HPSE2: variants seen among roughly 807,000 people sequenced by gnomAD.
The protein encoded by HPSE2 is inactive heparanase-2.
Under a neutral mutation model 60.5 loss-of-function variants are expected in HPSE2, and 38 were observed. The observed-to-expected ratio is 0.63, with a 90% CI of 0.48 to 0.82. The LOEUF (loss-of-function observed/expected upper bound fraction) is 0.82, where lower values mean the gene tolerates loss of function less well. HPSE2 is among the 40% of genes least tolerant of loss of function. The pLI, the probability that HPSE2 is intolerant of heterozygous loss-of-function variation, is 0.00. For missense variants in HPSE2, 713 were observed against 740.4 expected (o/e 0.96, Z 0.43); for synonymous variants, 295 against 293.2 (o/e 1.01, Z -0.06).
chr10:98,695,663 C>A (rs11189751), intron 5 of HPSE2, among the ~76,000 whole-genome samples: 8 of 152,164 alleles, frequency 5.3e-5, no homozygotes, highest in East Asian at 3.9e-4. Flanking sequence ...TGCCACCCCC[C>A]CTAGCAGCAG....
intron 2 of HPSE2, among the ~76,000 whole-genome samples, chr10:99,166,679 C>A (rs2133788332): frequency 6.6e-6 from 1 of 151,954 alleles, no homozygotes; most frequent in East Asian, 1.9e-4. Context: ...CTGTTCATAT[C>A]TCTTGCCCAC....
chr10:98,497,699 T>C (rs1416802304), intron 9 of HPSE2, among the ~76,000 whole-genome samples: 1 of 152,220 alleles, frequency 6.6e-6, no homozygotes, highest in Admixed American at 6.5e-5. Context: ...ATCAAGTCAA[T>C]GTAACTGAGA....
chr10:98,698,658 A>G (rs1342874858), intron 5 of HPSE2, among the ~76,000 whole-genome samples: 1 of 152,134 alleles, frequency 6.6e-6, no homozygotes, highest in African/African-American at 2.4e-5. Context: ...AACTGAAGGA[A>G]ATAGAGACAC....
chr10:99,103,788 A>G (rs1235878222), intron 3 of HPSE2, among the ~76,000 whole-genome samples: 1 of 152,204 alleles, frequency 6.6e-6, no homozygotes, highest in Non-Finnish European at 1.5e-5. Flanking sequence ...AAACAGAGAT[A>G]TAGACCAATG....
chr10:98,693,687 T>C (rs1333658590), intron 6 of HPSE2, among the ~76,000 whole-genome samples: 1 of 152,240 alleles, frequency 6.6e-6, no homozygotes, highest in Non-Finnish European at 1.5e-5. Context: ...ATGCGTTAGT[T>C]GTTTTCTTAA....
chr10:99,222,310 C>A (rs1263798264), intron 2 of HPSE2, among the ~76,000 whole-genome samples: 4 of 152,106 alleles, frequency 2.6e-5, no homozygotes, highest in Non-Finnish European at 5.9e-5. Flanking sequence ...GACTGTATAA[C>A]CTCTTTGTTC....
chr10:98,489,011 T>G (rs924371290), intron 10 of HPSE2, among the ~76,000 whole-genome samples: 1 of 152,182 alleles, frequency 6.6e-6, no homozygotes. Context: ...GAGCATCTGT[T>G]GTAACCTGAC....
At chr10:98,993,446 C>G (rs1956573217) in intron 3 of HPSE2, among the ~76,000 whole-genome samples, 1 of 152,198 alleles carries the variant, frequency 6.6e-6, no homozygotes, top group African/African-American at 2.4e-5. Context: ...CCTAGTTTCC[C>G]TTGACTGCCA....
At chr10:99,139,054 T>C (rs10748762) in intron 3 of HPSE2, among the ~76,000 whole-genome samples, 74,930 of 151,924 alleles carry the variant, frequency 0.49, 20,953 homozygotes, top group East Asian at 0.65. Flanking sequence ...CATCAATCAA[T>C]AAGTGGATAA....
At chr10:98,921,193 G>C (rs1053579431) in intron 3 of HPSE2, among the ~76,000 whole-genome samples, 3 of 152,072 alleles carry the variant, frequency 2.0e-5, no homozygotes, top group Admixed American at 6.6e-5. Context: ...GGACTAAATG[G>C]GCCAAGGCAG....
intron 6 of HPSE2, among the ~76,000 whole-genome samples, chr10:98,668,679 G>A (rs572067197): frequency 2.6e-5 from 4 of 152,166 alleles, no homozygotes; most frequent in South Asian, 2.1e-4. Flanking sequence ...TTCAATCAAC[G>A]GTGCTGGAAT....
chr10:99,001,865 T>C (rs748436712), intron 3 of HPSE2, among the ~76,000 whole-genome samples: 18 of 152,062 alleles, frequency 1.2e-4, no homozygotes, highest in Admixed American at 6.5e-5. Context: ...TGATCAAGAG[T>C]CAGCAAATTT....
chr10:98,830,452 C>T (rs1348547220), intron 3 of HPSE2, among the ~76,000 whole-genome samples: 2 of 152,106 alleles, frequency 1.3e-5, no homozygotes, highest in African/African-American at 4.8e-5. Flanking sequence ...GCAAAGGACA[C>T]CTATAATTCA....
intron 2 of HPSE2, among the ~76,000 whole-genome samples, chr10:99,160,675 G>A (rs538478750): frequency 9.9e-5 from 15 of 151,952 alleles, no homozygotes; most frequent in South Asian, 8.3e-4. Flanking sequence ...CGAGGCGGGC[G>A]GATCACGAGG....
intron 3 of HPSE2, among the ~76,000 whole-genome samples, chr10:98,914,280 C>T (rs999577430): frequency 9.2e-5 from 14 of 152,058 alleles, no homozygotes; most frequent in Non-Finnish European, 1.9e-4. Flanking sequence ...ACTTGCTCCT[C>T]CTTGCTTTCC....
chr10:98,629,161 A>G (rs1196643164), intron 7 of HPSE2, among the ~76,000 whole-genome samples: 1 of 152,208 alleles, frequency 6.6e-6, no homozygotes, highest in East Asian at 1.9e-4. Flanking sequence ...GGAAGCAATA[A>G]AACAGGAATA....
At chr10:98,875,056 T>C (rs1160973004) in intron 3 of HPSE2, among the ~76,000 whole-genome samples, 1 of 151,882 alleles carries the variant, frequency 6.6e-6, no homozygotes, top group Non-Finnish European at 1.5e-5. Context: ...ATTAGGGATA[T>C]TGGCCCACAT....
chr10:99,185,370 G>A (rs1847965045), intron 2 of HPSE2, among the ~76,000 whole-genome samples: 2 of 151,898 alleles, frequency 1.3e-5, no homozygotes, highest in South Asian at 4.1e-4. Context: ...GAACACCCAA[G>A]AAGAAGAGAT....
intron 3 of HPSE2, among the ~76,000 whole-genome samples, chr10:98,971,038 T>C (rs1055737547): frequency 1.3e-5 from 2 of 152,206 alleles, no homozygotes; most frequent in Non-Finnish European, 2.9e-5. Flanking sequence ...ACAGAGGCTA[T>C]ATTTATTTCC....
Sources: gnomAD v4.1 joint callset for allele counts (sites outside exome capture counted in the v4.1 genomes callset) on GRCh38, gnomAD v4.1.1 for gene constraint, MANE v1.5 for transcripts, NCBI Gene and HGNC (gene_info 2026-07-23, HGNC 2026-07-21) for gene names.